Variants in HOMER2 observed in about 807,000 individuals in gnomAD.
The protein encoded by HOMER2 is homer scaffold protein 2.
Under a neutral mutation model 47.0 loss-of-function variants are expected in HOMER2, and 27 were observed. That is an observed-to-expected ratio of 0.57 (90% CI 0.42 to 0.79). HOMER2 has a LOEUF of 0.79. HOMER2 is among the 30% of genes least tolerant of loss of function. The pLI, the probability that HOMER2 is intolerant of heterozygous loss-of-function variation, is 0.00. For missense variants in HOMER2, 443 were observed against 435.0 expected (o/e 1.02, Z -0.16); for synonymous variants, 161 against 163.8 (o/e 0.98, Z 0.13).
intron 1 of HOMER2, among the ~76,000 whole-genome samples, chr15:82,945,940 A>G (rs2054370043): frequency 6.6e-6 from 1 of 152,154 alleles, no homozygotes; most frequent in Non-Finnish European, 1.5e-5. Flanking sequence ...ACTGCACTCC[A>G]GCATGGGCAA....
chr15:82,910,723 C>T, intron 1 of HOMER2, among the ~76,000 whole-genome samples: 1 of 152,172 alleles, frequency 6.6e-6, no homozygotes, highest in Non-Finnish European at 1.5e-5. Context: ...GTGGTCTTTG[C>T]TCCCTTCTAA....
chr15:82,972,432 G>A (rs913537633), intron 1 of HOMER2, among the ~76,000 whole-genome samples: 3 of 152,162 alleles, frequency 2.0e-5, no homozygotes, highest in Admixed American at 1.3e-4. Flanking sequence ...GAAAGCACCC[G>A]AGTGGAAATA....
At chr15:82,952,091 A>G in intron 1 of HOMER2, 2 of 962,470 alleles carry the variant, frequency 2.1e-6, no homozygotes, top group African/African-American at 3.5e-5. Context: ...GAGGTTTATT[A>G]TTATTTGATT....
At chr15:82,940,539 C>A (rs892481673) in intron 1 of HOMER2, among the ~76,000 whole-genome samples, 1 of 152,040 alleles carries the variant, frequency 6.6e-6, no homozygotes, top group Non-Finnish European at 1.5e-5. Flanking sequence ...GTCAGGAGAT[C>A]GAGACCATCC....
At chr15:82,900,684 T>C (rs2053085556) in intron 1 of HOMER2, among the ~76,000 whole-genome samples, 2 of 152,142 alleles carry the variant, frequency 1.3e-5, no homozygotes, top group South Asian at 2.1e-4. Context: ...ACAGGCAGTA[T>C]TGCTCATTAG....
At chr15:82,844,401 A>G (rs1031452458), downstream of HOMER2, 3 of 152,218 alleles carry the variant, frequency 2.0e-5, no homozygotes, top group Admixed American at 6.5e-5. Flanking sequence ...CCAAGGTACA[A>G]CCTACATAGA....
At chr15:82,848,877 G>C (rs1202404465), downstream of HOMER2, 1 of 152,254 alleles carries the variant, frequency 6.6e-6, no homozygotes, top group Non-Finnish European at 1.5e-5. Flanking sequence ...CCAGACAGTG[G>C]TATTCATGTC....
chr15:82,857,534 A>T (rs1399371409), intron 5 of HOMER2, among the ~76,000 whole-genome samples: 2 of 143,736 alleles, frequency 1.4e-5, no homozygotes, highest in African/African-American at 5.2e-5. Context: ...GGGTTCAAGT[A>T]ATTCTCCTGC....
intron 1 of HOMER2, among the ~76,000 whole-genome samples, chr15:82,965,768 C>CTT (rs112817725): frequency 1.4e-5 from 2 of 144,634 alleles, no homozygotes; most frequent in Admixed American, 7.0e-5. Context: ...CCTCAAAGCC[C>CTT]TTTTTTTTTT....
At chr15:82,945,347 T>C (rs1596376658) in intron 1 of HOMER2, among the ~76,000 whole-genome samples, 3 of 152,302 alleles carry the variant, frequency 2.0e-5, no homozygotes, top group Admixed American at 2.0e-4. Flanking sequence ...GGTATTTTTA[T>C]AGTTATTGGC....
At chr15:82,956,067 C>A (rs2054584962), upstream of HOMER2, among the ~76,000 whole-genome samples, 1 of 151,864 alleles carries the variant, frequency 6.6e-6, no homozygotes, top group East Asian at 1.9e-4. Context: ...TGGCAAAACC[C>A]CATCTTTACT....
intron 1 of HOMER2, 77 bp from the exon 2 acceptor site, chr15:82,892,918 G>GC: frequency 8.5e-7 from 1 of 1,174,478 alleles, no homozygotes; most frequent in East Asian, 2.5e-5. Context: ...GCCACCTACT[G>GC]CCCCAAAAGA....
At chr15:82,925,729 T>G (rs1008572587) in intron 1 of HOMER2, among the ~76,000 whole-genome samples, 4 of 152,120 alleles carry the variant, frequency 2.6e-5, no homozygotes, top group African/African-American at 7.2e-5. Context: ...TACCTATTAT[T>G]TGCTTTCATG....
Position 82,889,289 on chromosome 15 carries a change from AGCCCAGGT to A in HOMER2, c.162+3388_162+3395del, listed in dbSNP as rs201439335. Among the ~76,000 whole-genome samples the A allele has an allele frequency of 9.4e-3, 1,426 of 152,324 alleles. 23 individuals are homozygous for A. The highest frequency in any genetic ancestry group is 0.033 in the African/African-American group (1,381 of 41,568). On this transcript the variant is annotated intron_variant, in intron 2 of 8. Transcript: ENST00000450735. ...CATCAGGAAGTGTTCATACTCCCCC[AGCCCAGGT>A]GCATCCATTCCTAAGTGGTCTGCCT...
intron 1 of HOMER2, among the ~76,000 whole-genome samples, chr15:82,970,517 C>T (rs1335138194): frequency 6.6e-6 from 1 of 152,192 alleles, no homozygotes; most frequent in East Asian, 1.9e-4. Context: ...ACTTCCCATA[C>T]AACTCAGTAA....
chr15:82,908,317 C>T (rs1445626601), intron 1 of HOMER2, among the ~76,000 whole-genome samples: 1 of 152,098 alleles, frequency 6.6e-6, no homozygotes, highest in African/African-American at 2.4e-5. Flanking sequence ...CTTTATTAAA[C>T]TTATAGGAGG....
exon 2 of HOMER2, chr15:82,843,722 C>T (rs1413520705): frequency 2.0e-5 from 3 of 151,862 alleles, no homozygotes; most frequent in Admixed American, 2.0e-4. Context: ...GCTCTCTGTC[C>T]CCAGGGTAAC....
chr15:82,881,655 C>T (rs534528801), intron 2 of HOMER2, among the ~76,000 whole-genome samples: 8 of 152,264 alleles, frequency 5.3e-5, no homozygotes, highest in African/African-American at 1.7e-4. Flanking sequence ...GAGGAGTGGA[C>T]GAGCAGAGCC....
At chr15:82,941,354 G>A (rs1450230019) in intron 1 of HOMER2, among the ~76,000 whole-genome samples, 1 of 140,976 alleles carries the variant, frequency 7.1e-6, no homozygotes, top group Non-Finnish European at 1.5e-5. Flanking sequence ...TGAGGCGCAA[G>A]AATCGCTTGA....
Sources: gnomAD v4.1 joint callset for allele counts (sites outside exome capture counted in the v4.1 genomes callset) on GRCh38, gnomAD v4.1.1 for gene constraint, MANE v1.5 for transcripts, NCBI Gene and HGNC (gene_info 2026-07-23, HGNC 2026-07-21) for gene names.